ITPK1: variants seen among roughly 807,000 people sequenced by gnomAD.
The protein encoded by ITPK1 is inositol 1,3,4-trisphosphate 5/6-kinase.
Under a neutral mutation model 45.3 loss-of-function variants are expected in ITPK1, and 21 were observed. That is an observed-to-expected ratio of 0.46 (90% CI 0.33 to 0.67). ITPK1 has a LOEUF of 0.67. ITPK1 is among the 30% of genes least tolerant of loss of function. The pLI is 0.02. For synonymous variants in ITPK1, 258 were observed against 253.6 expected, an observed-to-expected ratio of 1.02 and a Z score of -0.16; for missense variants, 474 against 573.5, an observed-to-expected ratio of 0.83 and a Z score of 1.77.
intron 1 of ITPK1, 150 bp from the exon 2 acceptor site, chr14:93,115,455 G>C (rs1431043669): frequency 6.7e-6 from 1 of 148,912 alleles, no homozygotes; most frequent in Non-Finnish European, 1.5e-5. Context: ...CGGCTCGCGA[G>C]CGCCGCGCCG....
intron 3 of ITPK1, among the ~76,000 whole-genome samples, chr14:93,061,947 T>C (rs1041138918): frequency 1.3e-5 from 2 of 152,200 alleles, no homozygotes; most frequent in Non-Finnish European, 2.9e-5. Context: ...AGTGTGTTTG[T>C]GGGAACAGAT....
rs1256156297 is a variant in ITPK1 at position 92,942,041 on chromosome 14, A to G, written c.902-137T>C. The G allele has an allele frequency of 1.8e-5, 14 of 758,894 alleles. No homozygotes were observed. The East Asian group carries it at 3.6e-4, about 20-fold the overall frequency. 47.0% of individuals were successfully genotyped at this position (758,894 alleles called of 1,614,324 possible). ...TGTCAGCGTCCCATTTACAGAGAAAACGTGAGGCTCAGCAGATAAGGGGGG... is the reference window on the plus strand; with the variant it reads ...TGTCAGCGTCCCATTTACAGAGAAAGCGTGAGGCTCAGCAGATAAGGGGGG... On this transcript the variant is annotated intron_variant, in intron 10 of 10. Transcript: ENST00000267615.
chr14:92,999,524 G>C (rs1218896330), intron 4 of ITPK1, among the ~76,000 whole-genome samples: 4 of 152,216 alleles, frequency 2.6e-5, no homozygotes, highest in African/African-American at 4.8e-5. Flanking sequence ...CTCTCCTCCA[G>C]TGGGTGGGGA....
chr14:92,956,222 C>A (rs865822317), intron 8 of ITPK1, among the ~76,000 whole-genome samples: 1 of 151,718 alleles, frequency 6.6e-6, no homozygotes, highest in Non-Finnish European at 1.5e-5. Context: ...TGGGCCCAAG[C>A]GATCCTCCTG....
chr14:92,958,351 T>C lies in ITPK1; in HGVS notation c.520A>G (p.Asn174Asp). Reference sequence around the variant, plus strand: ...TGGATGGCGTTCAGGCCCTCCTGGTTGAACACGATAGCCATCTGGGAAGAC... The same window carrying C: ...TGGATGGCGTTCAGGCCCTCCTGGTCGAACACGATAGCCATCTGGGAAGAC... ...TNSHEMAIVF[N>D]QEGLNAIQPP... is the part of the protein sequence containing the mutation. The change falls in exon 8 of 11, where the codon AAC (asparagine) becomes GAC (aspartate). Residue 174 changes from asparagine to aspartate, a missense_variant. Physicochemically the swap from Asn to Asp is conservative, Grantham distance 23 (BLOSUM62 1). Coordinates refer to ENST00000267615, the MANE Select transcript of ITPK1 (RefSeq NM_014216.6). This position sits in a 1 kb window ranked among gnomAD's most constrained non-coding sequence, Gnocchi z 4.4. 6.2e-7 allele frequency: 1 copy of C among 1,614,112 alleles called. No homozygotes were observed. Among genetic ancestry groups the C allele is most frequent in the Non-Finnish European group, 8.5e-7 (1 of 1,180,012 alleles).
rs114336633 is a variant in ITPK1 at position 93,014,863 on chromosome 14, T to A, written c.246+1813A>T. ...TAAGCGGTAACTGCTCTGCAGTGCT[T>A]TCTGAGGTAACGGTAATCAGGCATC... On this transcript the variant is annotated intron_variant, in intron 4 of 10. Transcript: ENST00000267615. The surrounding 1 kb of genome is among the most constrained non-coding windows in gnomAD (Gnocchi z 4.4). Among the ~76,000 whole-genome samples, 18 of 152,350 alleles carry A rather than the reference T, an allele frequency of 1.2e-4. No homozygotes were observed. The highest frequency in any genetic ancestry group is 4.1e-4 in the African/African-American group (17 of 41,588).
At chr14:93,110,569 C>A (rs941154639) in intron 2 of ITPK1, among the ~76,000 whole-genome samples, 29 of 152,268 alleles carry the variant, frequency 1.9e-4, no homozygotes, top group African/African-American at 5.5e-4. Context: ...CTCACTGGCA[C>A]GCCTCCCAAG....
intron 2 of ITPK1, among the ~76,000 whole-genome samples, chr14:93,083,507 C>A (rs1891525755): frequency 6.6e-6 from 1 of 152,138 alleles, no homozygotes; most frequent in Non-Finnish European, 1.5e-5. Flanking sequence ...AAGCCAGGCA[C>A]ATCCTCATCC....
intron 5 of ITPK1, among the ~76,000 whole-genome samples, chr14:92,992,694 G>C (rs1027556574): frequency 6.6e-6 from 1 of 152,252 alleles, no homozygotes; most frequent in Non-Finnish European, 1.5e-5. Flanking sequence ...GGTTCTTCTA[G>C]ATCCAGGGCC....
chr14:92,952,478 C>T (rs935548344), intron 8 of ITPK1, among the ~76,000 whole-genome samples: 6 of 152,122 alleles, frequency 3.9e-5, no homozygotes, highest in African/African-American at 1.4e-4. Flanking sequence ...TAGGGACAGG[C>T]TGGCACCGGC....
chr14:93,104,024 G>C (rs1892426373), intron 2 of ITPK1, among the ~76,000 whole-genome samples: 1 of 152,118 alleles, frequency 6.6e-6, no homozygotes, highest in East Asian at 1.9e-4. Context: ...GTGGCCTCTT[G>C]GGTGGAGGGG....
chr14:92,947,847 T>C (rs1239730533), intron 9 of ITPK1, among the ~76,000 whole-genome samples: 1 of 152,166 alleles, frequency 6.6e-6, no homozygotes, highest in Non-Finnish European at 1.5e-5. Context: ...CCATCTGACC[T>C]GGCAGTTCTG....
intron 3 of ITPK1, among the ~76,000 whole-genome samples, chr14:93,027,182 G>T (rs1046561185): frequency 1.3e-5 from 2 of 152,208 alleles, no homozygotes; most frequent in African/African-American, 4.8e-5. Flanking sequence ...GGACCAGGGG[G>T]CTTGTGGGAT....
intron 3 of ITPK1, chr14:93,071,175 A>G (rs1890985219): frequency 6.5e-6 from 1 of 153,644 alleles, no homozygotes; most frequent in African/African-American, 2.4e-5. Flanking sequence ...TTCCTGCCTG[A>G]GCAGCCCTGA....
At chr14:93,080,601 A>G (rs963577493) in intron 2 of ITPK1, among the ~76,000 whole-genome samples, 6 of 152,152 alleles carry the variant, frequency 3.9e-5, no homozygotes, top group Non-Finnish European at 8.8e-5. Context: ...TGGAAAACAG[A>G]CTGAGGTGCG....
chr14:93,044,828 G>A (rs866567955), intron 3 of ITPK1, among the ~76,000 whole-genome samples: 38 of 152,318 alleles, frequency 2.5e-4, no homozygotes, highest in African/African-American at 6.7e-4. Flanking sequence ...ACCCGACACC[G>A]TGACGGACTA....
At chr14:93,061,020 A>G (rs1312164089) in intron 3 of ITPK1, among the ~76,000 whole-genome samples, 1 of 152,226 alleles carries the variant, frequency 6.6e-6, no homozygotes, top group African/African-American at 2.4e-5. Context: ...ACCCACAACA[A>G]AAGTTCCACT....
rs1262322659 is a variant in ITPK1, at chr14:92,938,964, C to A, written c.*2597G>T. 1 of 190,268 alleles carries A rather than the reference C, an allele frequency of 5.3e-6. No individual in the cohort carries two copies. The highest frequency in any genetic ancestry group is 2.4e-5 in the African/African-American group (1 of 42,474). 11.8% of individuals were successfully genotyped at this position (190,268 alleles called of 1,614,324 possible). On this transcript the variant is annotated 3_prime_UTR_variant, in exon 11 of 11. Transcript: ENST00000267615. ...TGGTCTGGCCCCTTGCTCCTGGAGC[C>A]CTTCAGCACATCCAGGGACCACCAT...
chr14:92,957,468 T>G (rs1286353594), intron 8 of ITPK1, among the ~76,000 whole-genome samples: 1 of 152,200 alleles, frequency 6.6e-6, no homozygotes, highest in East Asian at 1.9e-4. Context: ...TTAAAATGGC[T>G]GAGGCTGGAG....
Sources: allele counts gnomAD v4.1 joint callset (sites outside exome capture counted in the v4.1 genomes callset), GRCh38; gene constraint gnomAD v4.1.1; non-coding constraint Gnocchi (gnomAD v3.1); transcripts MANE v1.5; gene names NCBI Gene and HGNC (gene_info 2026-07-23, HGNC 2026-07-21).